GPC6: variants seen among roughly 807,000 people sequenced by gnomAD.
GPC6 encodes the protein glypican 6, also known as glypican-6.
Under a neutral mutation model 55.2 loss-of-function variants are expected in GPC6, and 14 were observed. The observed-to-expected ratio is 0.25, with a 90% CI of 0.17 to 0.40. The LOEUF (loss-of-function observed/expected upper bound fraction) is 0.40. Among genes scored for constraint, GPC6 ranks in the 10% least tolerant of loss-of-function variants. The pLI is 1.00. For missense variants in GPC6, 641 were observed against 708.5 expected (o/e 0.90, Z 1.08); for synonymous variants, 278 against 259.6 (o/e 1.07, Z -0.68).
intron 2 of GPC6, among the ~76,000 whole-genome samples, chr13:93,693,430 T>C (rs540616587): frequency 9.1e-6 from 1 of 109,442 alleles, no homozygotes; most frequent in African/African-American, 4.5e-5. Context: ...TATATATATA[T>C]GGAGATATAT....
chr13:93,608,613 C>G (rs1286292770), intron 2 of GPC6, among the ~76,000 whole-genome samples: 1 of 152,192 alleles, frequency 6.6e-6, no homozygotes, highest in Non-Finnish European at 1.5e-5. Flanking sequence ...TTACTTACCT[C>G]TCCCTCTCCA....
intron 1 of GPC6, among the ~76,000 whole-genome samples, chr13:93,275,290 T>C (rs1449574754): frequency 6.6e-6 from 1 of 152,236 alleles, no homozygotes; most frequent in Non-Finnish European, 1.5e-5. Context: ...TTTCTGTCAT[T>C]GATCCTAGTA....
intron 1 of GPC6, among the ~76,000 whole-genome samples, chr13:93,309,097 T>C (rs1159819130): frequency 6.6e-6 from 1 of 152,140 alleles, no homozygotes; most frequent in East Asian, 1.9e-4. Flanking sequence ...CCAAATATTT[T>C]CCTCCCGTCA....
At chr13:94,267,002 T>G (rs1891838575) in intron 4 of GPC6, among the ~76,000 whole-genome samples, 1 of 152,232 alleles carries the variant, frequency 6.6e-6, no homozygotes, top group Non-Finnish European at 1.5e-5. Context: ...ATGAGCATTA[T>G]ATTTTTTATA....
intron 5 of GPC6, among the ~76,000 whole-genome samples, chr13:94,299,826 G>GTAT (rs1457115830): frequency 3.2e-4 from 49 of 152,260 alleles, no homozygotes; most frequent in African/African-American, 1.2e-3. Context: ...GAAAATAATG[G>GTAT]CTGCACCTGG....
intron 2 of GPC6, among the ~76,000 whole-genome samples, chr13:93,610,772 AT>A (rs980947928): frequency 3.0e-4 from 46 of 151,600 alleles, no homozygotes; most frequent in Non-Finnish European, 5.6e-4. Context: ...ATGCACTGTG[AT>A]TTTTTTTTCT....
intron 6 of GPC6, among the ~76,000 whole-genome samples, chr13:94,359,209 G>T (rs937549006): frequency 6.6e-6 from 1 of 152,130 alleles, no homozygotes; most frequent in Non-Finnish European, 1.5e-5. Flanking sequence ...TTGTGATTTG[G>T]CTTGAAAAAG....
chr13:93,704,809 G>A (rs73545533), intron 2 of GPC6, among the ~76,000 whole-genome samples: 7,788 of 152,020 alleles, frequency 0.051, 682 homozygotes, highest in African/African-American at 0.18. Flanking sequence ...TGTAGGCTGA[G>A]TCTATTCTTA....
At chr13:94,207,519 A>T (rs1458767876) in intron 4 of GPC6, among the ~76,000 whole-genome samples, 2 of 152,168 alleles carry the variant, frequency 1.3e-5, no homozygotes, top group African/African-American at 4.8e-5. Context: ...AGTCACTTCT[A>T]TGAAGTGGAC....
intron 4 of GPC6, chr13:94,187,218 A>G (rs1433715820): frequency 6.6e-6 from 1 of 152,194 alleles, no homozygotes; most frequent in Non-Finnish European, 1.5e-5. Context: ...CAAAATGAAC[A>G]CTTACAGGAA....
chr13:93,438,004 G>T (rs757419242), intron 1 of GPC6, among the ~76,000 whole-genome samples: 6 of 152,142 alleles, frequency 3.9e-5, no homozygotes, highest in Non-Finnish European at 7.4e-5. Flanking sequence ...TAAGAATTAT[G>T]ATAAATCCAC....
At chr13:94,185,118 C>G (rs1207132991) in intron 4 of GPC6, among the ~76,000 whole-genome samples, 2 of 151,946 alleles carry the variant, frequency 1.3e-5, no homozygotes, top group Non-Finnish European at 2.9e-5. Flanking sequence ...AACCTGGGAA[C>G]AGTAAACACT....
intron 3 of GPC6, among the ~76,000 whole-genome samples, chr13:93,966,261 T>C (rs530866542): frequency 1.7e-4 from 26 of 152,326 alleles, no homozygotes; most frequent in Admixed American, 1.3e-3. Flanking sequence ...AATGTAACCA[T>C]TGTGCAGCAA....
At chr13:94,261,471 A>G (rs553737527) in intron 4 of GPC6, among the ~76,000 whole-genome samples, 1 of 152,344 alleles carries the variant, frequency 6.6e-6, no homozygotes, top group African/African-American at 2.4e-5. Flanking sequence ...CTAGTTGGTT[A>G]CCTATAAATA....
chr13:93,841,023 A>T (rs1887935283), intron 3 of GPC6, among the ~76,000 whole-genome samples: 1 of 152,166 alleles, frequency 6.6e-6, no homozygotes, highest in Non-Finnish European at 1.5e-5. Flanking sequence ...TTTGCACAGC[A>T]GGCACACTGT....
intron 4 of GPC6, among the ~76,000 whole-genome samples, chr13:94,038,304 G>C (rs1056687592): frequency 1.3e-5 from 2 of 151,710 alleles, no homozygotes; most frequent in African/African-American, 4.8e-5. Flanking sequence ...CTCAACCTCT[G>C]AATATGTTTC....
At chr13:94,220,779 T>A (rs1890360254) in intron 4 of GPC6, among the ~76,000 whole-genome samples, 1 of 152,096 alleles carries the variant, frequency 6.6e-6, no homozygotes, top group Admixed American at 6.6e-5. Flanking sequence ...TGTGTCCACA[T>A]TTCCTATGTC....
At chr13:93,513,876 C>CTTTTTTTTTTTT (rs56333946) in intron 1 of GPC6, among the ~76,000 whole-genome samples, 1 of 110,246 alleles carries the variant, frequency 9.1e-6, no homozygotes, top group African/African-American at 3.5e-5. Flanking sequence ...TGAATGATGG[C>CTTTTTTTTTTTT]TTTTTTTTTT....
chr13:93,248,537 A>G (rs1430675701), intron 1 of GPC6, among the ~76,000 whole-genome samples: 1 of 151,970 alleles, frequency 6.6e-6, no homozygotes, highest in Non-Finnish European at 1.5e-5. Context: ...TCCCAGTACG[A>G]CACTTCCTAC....
Sources: gnomAD v4.1 joint callset for allele counts (sites outside exome capture counted in the v4.1 genomes callset) on GRCh38, gnomAD v4.1.1 for gene constraint, MANE v1.5 for transcripts, NCBI Gene and HGNC (gene_info 2026-07-23, HGNC 2026-07-21) for gene names.